Variants in FOCAD observed in about 807,000 individuals in gnomAD.
FOCAD encodes the protein focadhesin.
A neutral mutation model predicts 225.6 loss-of-function variants in FOCAD; 198 were observed. The ratio of observed to expected loss-of-function variants is 0.88; its 90% CI spans 0.78 to 0.99. The LOEUF (loss-of-function observed/expected upper bound fraction) is 0.99, where lower values mean the gene tolerates loss of function less well. FOCAD is among the 50% of genes least tolerant of loss of function. The pLI, the probability that FOCAD is intolerant of heterozygous loss-of-function variation, is 0.00. For synonymous variants in FOCAD, 897 were observed against 755.0 expected, an observed-to-expected ratio of 1.19 and a Z score of -3.08; for missense variants, 2,713 against 2,123.6, an observed-to-expected ratio of 1.28 and a Z score of -5.46.
intron 22 of FOCAD, among the ~76,000 whole-genome samples, chr9:20,908,149 A>C (rs1408468174): frequency 6.6e-6 from 1 of 152,118 alleles, no homozygotes; most frequent in Non-Finnish European, 1.5e-5. Flanking sequence ...CAACTAGCTT[A>C]ATTGTTTTTC....
chr9:20,901,722 C>T (rs1832581153), intron 21 of FOCAD, among the ~76,000 whole-genome samples: 1 of 151,864 alleles, frequency 6.6e-6, no homozygotes, highest in East Asian at 1.9e-4. Flanking sequence ...CTAAGCAGAA[C>T]ATTTCCTGTT....
intron 5 of FOCAD, among the ~76,000 whole-genome samples, chr9:20,752,342 G>A (rs1252339229): frequency 6.6e-6 from 1 of 151,026 alleles, no homozygotes; most frequent in Non-Finnish European, 1.5e-5. Flanking sequence ...TGTATAAGGT[G>A]TAAGGAAGGG....
intron 15 of FOCAD, among the ~76,000 whole-genome samples, chr9:20,832,036 G>T (rs1048411504): frequency 6.6e-6 from 1 of 151,988 alleles, no homozygotes; most frequent in Non-Finnish European, 1.5e-5. Flanking sequence ...ACTTTTTATA[G>T]TGTCTTTTTA....
chr9:20,946,322 TTAGTAG>T (rs987663695), intron 29 of FOCAD, among the ~76,000 whole-genome samples: 25 of 152,308 alleles, frequency 1.6e-4, no homozygotes, highest in African/African-American at 6.0e-4. Context: ...TGGCAATTAA[TTAGTAG>T]CACCCACTGG....
rs900666754 is a variant in FOCAD at position 20,931,709 on chromosome 9, G to A, written c.3318-1305G>A. Among the ~76,000 whole-genome samples the A allele has an allele frequency of 3.9e-5, 6 of 152,210 alleles. No homozygotes were observed. In the South Asian group the frequency reaches 1.2e-3, roughly 32 times the overall value. ...CATCTGTAATTGCAGCATTTTGGGAGGCCAAGGCGGGCAGATCATGTAAGC... is the reference window on the plus strand; with the variant it reads ...CATCTGTAATTGCAGCATTTTGGGAAGCCAAGGCGGGCAGATCATGTAAGC... On this transcript the variant is annotated intron_variant, in intron 27 of 43. Coordinates refer to ENST00000338382, the MANE Select transcript of FOCAD (RefSeq NM_001375567.1).
intron 19 of FOCAD, 189 bp downstream of exon 19, chr9:20,874,996 A>G: frequency 1.5e-6 from 1 of 656,734 alleles, no homozygotes. Flanking sequence ...CATACGAAAA[A>G]ACGTTACATC....
chr9:20,852,824 T>C (rs1455236448), intron 15 of FOCAD, among the ~76,000 whole-genome samples: 1 of 151,770 alleles, frequency 6.6e-6, no homozygotes, highest in Non-Finnish European at 1.5e-5. Context: ...TTTTATTCTT[T>C]TTGCTAGTAA....
At chr9:20,847,215 C>A (rs1260886626) in intron 15 of FOCAD, among the ~76,000 whole-genome samples, 1 of 151,634 alleles carries the variant, frequency 6.6e-6, no homozygotes, top group South Asian at 2.1e-4. Context: ...TAGCTACTGC[C>A]TTCCCAATCC....
chr9:20,984,272 G>C (rs1239952456), intron 39 of FOCAD, among the ~76,000 whole-genome samples: 2 of 152,146 alleles, frequency 1.3e-5, no homozygotes, highest in Non-Finnish European at 2.9e-5. Context: ...ATCTGTAAAG[G>C]TGGGACTTTA....
intron 35 of FOCAD, among the ~76,000 whole-genome samples, chr9:20,968,788 C>T (rs955910704): frequency 2.0e-5 from 3 of 151,946 alleles, no homozygotes; most frequent in Non-Finnish European, 4.4e-5. Context: ...TTTATTATTT[C>T]CTTCCTCTAC....
At chr9:20,806,757 T>A (rs1822502960) in intron 11 of FOCAD, among the ~76,000 whole-genome samples, 2 of 152,222 alleles carry the variant, frequency 1.3e-5, no homozygotes, top group African/African-American at 2.4e-5. Context: ...TTATTAATAT[T>A]TTGGTAATAG....
At chr9:20,817,832 T>A (rs1823891504) in intron 11 of FOCAD, among the ~76,000 whole-genome samples, 1 of 152,190 alleles carries the variant, frequency 6.6e-6, no homozygotes, top group South Asian at 2.1e-4. Context: ...TTGTAAATAA[T>A]GCTTTTCTGA....
At chr9:20,814,862 G>T (rs1293558375) in intron 11 of FOCAD, among the ~76,000 whole-genome samples, 1 of 151,770 alleles carries the variant, frequency 6.6e-6, no homozygotes, top group African/African-American at 2.4e-5. Context: ...CATTTACATG[G>T]TTTTTTTAGT....
rs201488413 is a variant in FOCAD at position 20,933,133 on chromosome 9, G to C, written c.3407+30G>C. ...GTTGTTCCTATTTCCACTCTCACAGGTACTTAGACATTGCTCCCTACACTG... is the reference window on the plus strand; with the variant it reads ...GTTGTTCCTATTTCCACTCTCACAGCTACTTAGACATTGCTCCCTACACTG... On this transcript the variant is annotated intron_variant, in intron 28 of 43. Coordinates refer to ENST00000338382, the MANE Select transcript of FOCAD (RefSeq NM_001375567.1). The C allele has an allele frequency of 1.1e-5, 16 of 1,502,096 alleles. No homozygotes were observed. In the South Asian group the frequency reaches 1.6e-4, roughly 15 times the overall value. 93.0% of individuals were successfully genotyped at this position (1,502,096 alleles called of 1,614,324 possible).
intron 1 of FOCAD, among the ~76,000 whole-genome samples, chr9:20,712,730 CTTTTTT>C (rs71334550): frequency 0.012 from 1,122 of 93,332 alleles, 11 homozygotes; most frequent in Non-Finnish European, 0.017. Context: ...CTCCTATATT[CTTTTTT>C]TTTTTTTTTT....
intron 1 of FOCAD, among the ~76,000 whole-genome samples, chr9:20,688,103 G>A (rs1037401269): frequency 6.6e-6 from 1 of 152,224 alleles, no homozygotes; most frequent in African/African-American, 2.4e-5. Flanking sequence ...AATAATGAAA[G>A]TTCTCTTCCA....
intron 35 of FOCAD, among the ~76,000 whole-genome samples, chr9:20,957,929 G>T (rs10964765): frequency 0.039 from 5,940 of 151,980 alleles, 367 homozygotes; most frequent in African/African-American, 0.13. Flanking sequence ...GGATGGCCAG[G>T]CCTCGTTGCC....
At chr9:20,983,960 C>G (rs1840936339) in intron 39 of FOCAD, among the ~76,000 whole-genome samples, 1 of 152,104 alleles carries the variant, frequency 6.6e-6, no homozygotes, top group South Asian at 2.1e-4. Context: ...TAAAGTATGT[C>G]ATTTACTTCT....
intron 12 of FOCAD, 162 bp from the exon 13 acceptor site, chr9:20,820,162 C>A: frequency 1.8e-6 from 1 of 559,892 alleles, no homozygotes; most frequent in Non-Finnish European, 3.1e-6. Flanking sequence ...GTTATCTAGC[C>A]CCTCCAACGC....
Sources: allele counts gnomAD v4.1 joint callset (sites outside exome capture counted in the v4.1 genomes callset), GRCh38; gene constraint gnomAD v4.1.1; transcripts MANE v1.5; gene names NCBI Gene and HGNC (gene_info 2026-07-23, HGNC 2026-07-21).